Variants in ADRA1B observed in about 807,000 individuals in gnomAD.
ADRA1B encodes adrenoceptor alpha 1B.
Under a neutral mutation model 17.9 loss-of-function variants are expected in ADRA1B, and 17 were observed. The observed-to-expected ratio is 0.95, with a 90% CI of 0.65 to 1.42. ADRA1B has a LOEUF of 1.42. Ranked by LOEUF, ADRA1B falls within the 40% of genes most tolerant of loss-of-function variation. ADRA1B has a pLI of 0.00. For missense variants in ADRA1B, 681 were observed against 722.1 expected, an observed-to-expected ratio of 0.94 and a Z score of 0.65; for synonymous variants, 366 against 327.6, an observed-to-expected ratio of 1.12 and a Z score of -1.27.
At chr5:159,962,878 G>T (rs1581069035) in intron 1 of ADRA1B, among the ~76,000 whole-genome samples, 4 of 115,182 alleles carry the variant, frequency 3.5e-5, no homozygotes, top group African/African-American at 3.5e-5. Context: ...TGGCTTGTTT[G>T]GTTTTTAGCT....
intron 1 of ADRA1B, among the ~76,000 whole-genome samples, chr5:159,882,079 T>G (rs1325588725): frequency 6.6e-6 from 1 of 152,164 alleles, no homozygotes; most frequent in Non-Finnish European, 1.5e-5. Flanking sequence ...ATTTTCTTCC[T>G]CCCTGTGTGC....
upstream of ADRA1B, among the ~76,000 whole-genome samples, chr5:159,914,348 CAG>C (rs1200035304): frequency 6.6e-6 from 1 of 152,138 alleles, no homozygotes; most frequent in African/African-American, 2.4e-5. Context: ...GCCAGGGAAA[CAG>C]AGTTTCCTAA....
chr5:159,987,758 T>C, the ADRA1B span, among the ~76,000 whole-genome samples: 3 of 152,172 alleles, frequency 2.0e-5, no homozygotes, highest in Non-Finnish European at 4.4e-5. Flanking sequence ...AACAATGTAA[T>C]ATTTTTCTGG....
chr5:159,960,292 C>T (rs762526762), intron 1 of ADRA1B, among the ~76,000 whole-genome samples: 11 of 152,186 alleles, frequency 7.2e-5, no homozygotes, highest in Non-Finnish European at 1.5e-4. Flanking sequence ...AAAGTCAATG[C>T]TCTTGCAGAG....
intron 1 of ADRA1B, among the ~76,000 whole-genome samples, chr5:159,924,135 T>C (rs902143098): frequency 4.6e-5 from 7 of 152,284 alleles, no homozygotes; most frequent in Non-Finnish European, 7.3e-5. Context: ...ATCAGAAAGT[T>C]AGGAAAATGC....
chr5:159,911,689 C>T (rs1394284407), upstream of ADRA1B, among the ~76,000 whole-genome samples: 1 of 152,166 alleles, frequency 6.6e-6, no homozygotes, highest in East Asian at 1.9e-4. Flanking sequence ...AAATTCCTCA[C>T]TCTTGGGAGC....
At chr5:159,877,032 C>T (rs562851167) in intron 1 of ADRA1B, among the ~76,000 whole-genome samples, 91 of 152,266 alleles carry the variant, frequency 6.0e-4, no homozygotes, top group South Asian at 4.6e-3. Flanking sequence ...TGAGAGCAGT[C>T]GTGGGACTCA....
intron 1 of ADRA1B, among the ~76,000 whole-genome samples, chr5:159,955,855 G>A (rs1447251983): frequency 6.6e-6 from 1 of 152,134 alleles, no homozygotes; most frequent in Non-Finnish European, 1.5e-5. Context: ...CCAGCTACTA[G>A]CCCTCTTCTA....
At chr5:159,939,974 ACTGGG>A (rs1410872187) in intron 1 of ADRA1B, among the ~76,000 whole-genome samples, 1 of 152,134 alleles carries the variant, frequency 6.6e-6, no homozygotes, top group Non-Finnish European at 1.5e-5. Flanking sequence ...GCCTTGTCAC[ACTGGG>A]CTTCTTGATG....
rs944691063 is a variant in ADRA1B, at chr5:159,917,104, A to G, written c.199A>G (p.Ile67Val). 7 of 1,613,996 alleles carry G rather than the reference A, an allele frequency of 4.3e-6. No individual in the cohort carries two copies. The highest frequency in any genetic ancestry group is 4.2e-6 in the Non-Finnish European group (5 of 1,179,970). ...LFAIVGNILV[I>V]LSVACNRHLR... ...TGCCATCGTGGGCAACATCCTAGTCATCTTGTCTGTGGCCTGCAACCGGCA... is the reference window on the plus strand; with the variant it reads ...TGCCATCGTGGGCAACATCCTAGTCGTCTTGTCTGTGGCCTGCAACCGGCA... Residue 67 changes from isoleucine to valine, a missense_variant, in exon 1 of 2, where the codon ATC (isoleucine) becomes GTC (valine). Ile to Val is a conservative substitution (Grantham distance 29). This residue lies in a region of ADRA1B where 424 missense variants were observed against 480.2 expected (regional missense o/e 0.88). Coordinates refer to ENST00000306675, the MANE Select transcript of ADRA1B (RefSeq NM_000679.4).
At chr5:159,948,523 G>C (rs1755338522) in intron 1 of ADRA1B, 1 of 954,004 alleles carries the variant, frequency 1.0e-6, no homozygotes, top group African/African-American at 1.8e-5. Context: ...TGTTTTCATT[G>C]TAGAAAATTT....
chr5:159,889,354 T>C (rs1753958614), intron 1 of ADRA1B, among the ~76,000 whole-genome samples: 1 of 152,196 alleles, frequency 6.6e-6, no homozygotes, highest in African/African-American at 2.4e-5. Flanking sequence ...CATCTACACA[T>C]TGATATACCC....
At chr5:159,962,218 A>G (rs1755676647) in intron 1 of ADRA1B, among the ~76,000 whole-genome samples, 1 of 152,302 alleles carries the variant, frequency 6.6e-6, no homozygotes, top group Admixed American at 6.5e-5. Flanking sequence ...GAATATGTAA[A>G]GAATAAAAAG....
intron 1 of ADRA1B, among the ~76,000 whole-genome samples, chr5:159,970,227 C>A (rs1039629335): frequency 8.5e-5 from 13 of 152,132 alleles, no homozygotes; most frequent in African/African-American, 3.1e-4. Context: ...TCCCATTTCC[C>A]TCTGCCTCCA....
intron 1 of ADRA1B, among the ~76,000 whole-genome samples, chr5:159,879,084 A>G (rs1429263764): frequency 6.6e-6 from 1 of 151,796 alleles, no homozygotes; most frequent in Admixed American, 6.6e-5. Flanking sequence ...CAGAAACCAC[A>G]CTGTTGACAG....
intron 1 of ADRA1B, among the ~76,000 whole-genome samples, chr5:159,943,912 TCACACACA>T (rs70987984): frequency 1.2e-4 from 17 of 147,528 alleles, no homozygotes; most frequent in East Asian, 2.0e-4. Context: ...TCTGTCTCTC[TCACACACA>T]CACACACACA....
chr5:159,920,787 G>A (rs1278384570), intron 1 of ADRA1B, among the ~76,000 whole-genome samples: 2 of 152,110 alleles, frequency 1.3e-5, no homozygotes, highest in African/African-American at 4.8e-5. Flanking sequence ...TAACACCCAA[G>A]CAAAAGCAGC....
At chr5:159,979,376 G>A in the ADRA1B span, among the ~76,000 whole-genome samples, 3 of 152,146 alleles carry the variant, frequency 2.0e-5, no homozygotes, top group African/African-American at 7.2e-5. Flanking sequence ...ATCTTAAAAG[G>A]TTGTCATGAA....
chr5:159,962,476 T>C (rs1213723240), intron 1 of ADRA1B, among the ~76,000 whole-genome samples: 1 of 152,104 alleles, frequency 6.6e-6, no homozygotes, highest in East Asian at 1.9e-4. Context: ...CTCATTTCAT[T>C]TTAAACCTGT....
Sources: allele counts gnomAD v4.1 joint callset (sites outside exome capture counted in the v4.1 genomes callset), GRCh38; gene constraint gnomAD v4.1.1; regional missense constraint gnomAD v4.1.1; transcripts MANE v1.5; gene names NCBI Gene and HGNC (gene_info 2026-07-23, HGNC 2026-07-21).